Variants in CACNG2 observed in about 807,000 individuals in gnomAD.
CACNG2 encodes the protein voltage-dependent calcium channel gamma-2 subunit.
CACNG2 carries 3 observed loss-of-function variants against 25.9 expected under a neutral mutation model. The ratio of observed to expected loss-of-function variants is 0.12; its 90% confidence interval spans 0.05 to 0.30. The LOEUF (loss-of-function observed/expected upper bound fraction) is 0.30, where lower values mean the gene tolerates loss of function less well. Among genes scored for constraint, CACNG2 ranks in the 10% least tolerant of loss-of-function variants. The pLI, the probability that CACNG2 is intolerant of heterozygous loss-of-function variation, is 1.00. For synonymous variants in CACNG2, 167 were observed against 173.3 expected, an observed-to-expected ratio of 0.96 and a Z score of 0.29; for missense variants, 341 against 432.5, an observed-to-expected ratio of 0.79 and a Z score of 1.88.
chr22:36,696,815 C>A (rs1164918856), intron 1 of CACNG2, among the ~76,000 whole-genome samples: 23 of 152,088 alleles, frequency 1.5e-4, no homozygotes, highest in Admixed American at 1.5e-3. Context: ...TCATTTAATC[C>A]CTAAGCCAGC....
chr22:36,702,428 GTTT>G lies in CACNG2; in HGVS notation c.146_148del (p.Glu49_Thr50delinsAla). 6.2e-7 allele frequency: 1 copy of G among 1,614,078 alleles called. No homozygotes were observed. Among genetic ancestry groups the G allele is most frequent in the Non-Finnish European group, 8.5e-7 (1 of 1,180,008 alleles). On this transcript the variant is annotated inframe_deletion, in exon 1 of 4. Coordinates refer to ENST00000300105, the MANE Select transcript of CACNG2 (RefSeq NM_006078.5). Reference sequence around the variant, plus strand: ...CATAACTTCCTCGTTCTTTTTGCTGGTTTCATTCTCACTGACACTTTTGGTCTT... The same window carrying G: ...CATAACTTCCTCGTTCTTTTTGCTGGCATTCTCACTGACACTTTTGGTCTT...
chr22:36,662,314 C>T (rs951327709), intron 1 of CACNG2, among the ~76,000 whole-genome samples: 34 of 152,088 alleles, frequency 2.2e-4, no homozygotes, highest in East Asian at 7.7e-4. Context: ...TCTTGTGAAG[C>T]GGTTACAGCG....
intron 1 of CACNG2, among the ~76,000 whole-genome samples, chr22:36,592,913 G>A (rs546555360): frequency 4.6e-5 from 7 of 152,294 alleles, no homozygotes; most frequent in Admixed American, 2.0e-4. Flanking sequence ...AGGGGTAGAG[G>A]CTCTCATCGG....
intron 1 of CACNG2, among the ~76,000 whole-genome samples, chr22:36,701,461 C>T (rs1436291200): frequency 1.3e-5 from 2 of 152,194 alleles, no homozygotes; most frequent in East Asian, 3.9e-4. Flanking sequence ...ACAGCACAGA[C>T]ACACATGCCT....
Position 36,569,831 on chromosome 22 carries a change from C to T in CACNG2, c.296-3338G>A, listed in dbSNP as rs184789154. Among the ~76,000 whole-genome samples, 14 of 152,310 alleles carry T rather than the reference C, an allele frequency of 9.2e-5. No homozygotes were observed. In the East Asian group the frequency reaches 2.5e-3, roughly 27 times the overall value. ...CTGGGATTACAGGCCTGAGCCACCGCGCCCGGCCGTTAGATAGTTTCTAAT... is the reference window on the plus strand; with the variant it reads ...CTGGGATTACAGGCCTGAGCCACCGTGCCCGGCCGTTAGATAGTTTCTAAT... On this transcript the variant is annotated intron_variant, in intron 2 of 3. Coordinates refer to ENST00000300105, the MANE Select transcript of CACNG2 (RefSeq NM_006078.5).
rs139180915 is a variant in CACNG2, at chr22:36,683,591, G to A, written c.211+18775C>T. 8.5e-5 allele frequency among the ~76,000 whole-genome samples: 13 copies of A among 152,204 alleles called. 1 individual carries two copies. The East Asian group carries it at 2.5e-3, about 29-fold the overall frequency. On this transcript the variant is annotated intron_variant, in intron 1 of 3. Coordinates refer to ENST00000300105, the MANE Select transcript of CACNG2 (RefSeq NM_006078.5). Reference sequence around the variant, plus strand: ...AAACTGCCTTTCCTCCCCCACTCAGGTATGATCATTATGGAGAAATCTTAC... The same window carrying A: ...AAACTGCCTTTCCTCCCCCACTCAGATATGATCATTATGGAGAAATCTTAC...
At chr22:36,572,912 G>A (rs887704650) in intron 2 of CACNG2, among the ~76,000 whole-genome samples, 2 of 152,160 alleles carry the variant, frequency 1.3e-5, no homozygotes, top group African/African-American at 4.8e-5. Context: ...TGCTAGACCT[G>A]GGCTTGGCAT....
At chr22:36,575,229 T>G (rs1323629787) in intron 2 of CACNG2, among the ~76,000 whole-genome samples, 1 of 152,214 alleles carries the variant, frequency 6.6e-6, no homozygotes. Context: ...TTTATTATTT[T>G]CTATGAGGGT....
At chr22:36,575,478 G>C (rs906370136) in intron 2 of CACNG2, among the ~76,000 whole-genome samples, 2 of 152,046 alleles carry the variant, frequency 1.3e-5, no homozygotes, top group African/African-American at 2.4e-5. Context: ...GGGGCCCCGA[G>C]GTTTTCTCAC....
At chr22:36,628,900 G>T (rs1172007565) in intron 1 of CACNG2, among the ~76,000 whole-genome samples, 2 of 152,080 alleles carry the variant, frequency 1.3e-5, no homozygotes, top group African/African-American at 4.8e-5. Flanking sequence ...CAATAAAAAA[G>T]ATTTACAGGT....
intron 1 of CACNG2, among the ~76,000 whole-genome samples, chr22:36,660,380 C>T (rs1024179291): frequency 1.3e-5 from 2 of 152,402 alleles, no homozygotes; most frequent in South Asian, 2.1e-4. Context: ...CCCTCCAGTG[C>T]CAGGCGCGCA....
intron 2 of CACNG2, among the ~76,000 whole-genome samples, chr22:36,582,144 G>A (rs1341965611): frequency 5.3e-5 from 8 of 152,244 alleles, no homozygotes; most frequent in South Asian, 2.1e-4. Flanking sequence ...CTCTTCTGTC[G>A]GCTTCTGCCC....
chr22:36,602,050 T>C (rs914200323), intron 1 of CACNG2, among the ~76,000 whole-genome samples: 7 of 152,218 alleles, frequency 4.6e-5, no homozygotes, highest in African/African-American at 1.7e-4. Flanking sequence ...GTCATTTTGA[T>C]TGGCACTTCC....
chr22:36,627,803 C>G (rs973292027), intron 1 of CACNG2, among the ~76,000 whole-genome samples: 2 of 151,948 alleles, frequency 1.3e-5, no homozygotes, highest in Middle Eastern at 6.8e-3. Flanking sequence ...CTCTGATTTT[C>G]GAATTTTAGA....
intron 2 of CACNG2, 108 bp downstream of exon 2, chr22:36,587,357 C>G (rs2235681): frequency 0.26 from 218,060 of 835,694 alleles, 30,123 homozygotes; most frequent in Admixed American, 0.32. Context: ...TTTTCCTGCC[C>G]TCTGCTGTGA....
intron 1 of CACNG2, among the ~76,000 whole-genome samples, chr22:36,664,571 G>A (rs562562984): frequency 1.3e-5 from 2 of 152,148 alleles, no homozygotes; most frequent in Non-Finnish European, 2.9e-5. Context: ...ACCTGTCCAA[G>A]ACCTCACACT....
chr22:36,663,456 G>T (rs145004211), intron 1 of CACNG2, among the ~76,000 whole-genome samples: 2 of 152,082 alleles, frequency 1.3e-5, no homozygotes, highest in East Asian at 3.9e-4. Context: ...AAGTTCAAGC[G>T]CTCAGCATAC....
intron 2 of CACNG2, among the ~76,000 whole-genome samples, chr22:36,575,638 A>C (rs1414887429): frequency 6.6e-6 from 1 of 152,018 alleles, no homozygotes; most frequent in East Asian, 1.9e-4. Context: ...CTGGCCTCAG[A>C]TCTGCACTCT....
intron 1 of CACNG2, among the ~76,000 whole-genome samples, chr22:36,658,424 G>A (rs1936739811): frequency 6.6e-6 from 1 of 152,200 alleles, no homozygotes; most frequent in Non-Finnish European, 1.5e-5. Context: ...GCAGAGAGAA[G>A]CACGCACTGC....
Sources: gnomAD v4.1 joint callset for allele counts (sites outside exome capture counted in the v4.1 genomes callset) on GRCh38, gnomAD v4.1.1 for gene constraint, MANE v1.5 for transcripts, NCBI Gene and HGNC (gene_info 2026-07-23, HGNC 2026-07-21) for gene names.